Variants in CCDC148 observed in about 807,000 individuals in gnomAD.
CCDC148 encodes the protein coiled-coil domain-containing protein 148.
In CCDC148, 89 loss-of-function variants were observed where a neutral mutation model predicts 85.7. The ratio of observed to expected loss-of-function variants is 1.04; its 90% CI spans 0.87 to 1.24. The LOEUF (loss-of-function observed/expected upper bound fraction) is 1.24. CCDC148 is among the 50% of genes most tolerant of loss of function. The pLI is 0.00. For synonymous variants in CCDC148, 230 were observed against 213.9 expected, an observed-to-expected ratio of 1.08 and a Z score of -0.66; for missense variants, 692 against 671.7, an observed-to-expected ratio of 1.03 and a Z score of -0.33.
intron 9 of CCDC148, among the ~76,000 whole-genome samples, chr2:158,306,629 G>A (rs532469037): frequency 6.6e-5 from 10 of 150,602 alleles, no homozygotes; most frequent in African/African-American, 9.7e-5. Context: ...ATTGAACAAC[G>A]AGAACACTTG....
intron 7 of CCDC148, among the ~76,000 whole-genome samples, chr2:158,327,085 A>G (rs1046708374): frequency 6.6e-6 from 1 of 152,132 alleles, no homozygotes; most frequent in African/African-American, 2.4e-5. Context: ...TTTTTGCTCA[A>G]TCTTTCACTA....
At chr2:158,406,545 TAC>T in intron 1 of CCDC148, among the ~76,000 whole-genome samples, 1 of 151,350 alleles carries the variant, frequency 6.6e-6, no homozygotes, top group Non-Finnish European at 1.5e-5. Context: ...GTAGTACATA[TAC>T]ACTTTCGGTA....
At chr2:158,370,950 A>G (rs986212007) in intron 1 of CCDC148, among the ~76,000 whole-genome samples, 10 of 151,956 alleles carry the variant, frequency 6.6e-5, no homozygotes, top group Non-Finnish European at 5.9e-5. Flanking sequence ...CAAATATTTA[A>G]CACTGGCAAT....
intron 11 of CCDC148, among the ~76,000 whole-genome samples, chr2:158,189,483 C>T (rs750409892): frequency 3.3e-4 from 50 of 151,704 alleles, no homozygotes; most frequent in Non-Finnish European, 2.2e-4. Context: ...GAAGTTAACA[C>T]GTATACTATA....
intron 1 of CCDC148, among the ~76,000 whole-genome samples, chr2:158,377,919 C>G (rs76639636): frequency 0.054 from 8,284 of 152,122 alleles, 432 homozygotes; most frequent in African/African-American, 0.13. Flanking sequence ...CTCTCCTGGG[C>G]TGTCCCTATT....
intron 9 of CCDC148, among the ~76,000 whole-genome samples, chr2:158,252,125 C>T (rs1249459062): frequency 1.3e-5 from 2 of 151,746 alleles, no homozygotes; most frequent in African/African-American, 2.4e-5. Context: ...ATTTCTTACA[C>T]ATTTCATATA....
chr2:158,425,377 T>A (rs998147496), intron 1 of CCDC148: 1 of 439,014 alleles, frequency 2.3e-6, no homozygotes, highest in Admixed American at 2.5e-5. Context: ...TGAAGACTGG[T>A]CTTTTGTTGA....
intron 9 of CCDC148, among the ~76,000 whole-genome samples, chr2:158,262,118 C>G (rs1689255441): frequency 6.6e-6 from 1 of 151,964 alleles, no homozygotes; most frequent in African/African-American, 2.4e-5. Flanking sequence ...ACCTAAATGC[C>G]TACCAATGAC....
In CCDC148 at chr2:158,444,249, ATTTC is replaced by A. The variant is rs371124783; in HGVS notation, c.25+12162_25+12165del. On this transcript the variant is annotated intron_variant, in intron 1 of 13. Transcript: ENST00000283233. ...ATGGTGAAATGACTGAATCTTATTA[ATTTC>A]TTCTTCTCTATAAGGGAAATCAAAA... Among the ~76,000 whole-genome samples the A allele has an allele frequency of 1.3e-3, 197 of 152,280 alleles. 1 individual carries two copies. The highest frequency in any genetic ancestry group is 2.2e-3 in the Non-Finnish European group (150 of 68,030).
rs143422132 is a variant in CCDC148 at position 158,294,684 on chromosome 2, C to T, written c.1110+14749G>A. On this transcript the variant is annotated intron_variant, in intron 9 of 13. Transcript: ENST00000283233. The stretch of plus-strand genomic sequence containing the variant: ...ACTGAAAACACACAAATTAGCCAGG[C>T]GTGGTGGCTGGTGCCTGTAATCCCA... Among the ~76,000 whole-genome samples the T allele has an allele frequency of 2.6e-3, 400 of 152,040 alleles. 3 individuals carry two copies. Among genetic ancestry groups the T allele is most frequent in the African/African-American group, 9.2e-3 (382 of 41,452 alleles).
intron 1 of CCDC148, among the ~76,000 whole-genome samples, chr2:158,443,905 A>G (rs1471127124): frequency 2.6e-5 from 4 of 152,206 alleles, no homozygotes; most frequent in African/African-American, 9.6e-5. Flanking sequence ...AACACAATTT[A>G]TCAGCTTTTA....
chr2:158,448,677 C>G (rs1688262859), intron 1 of CCDC148, among the ~76,000 whole-genome samples: 1 of 151,914 alleles, frequency 6.6e-6, no homozygotes, highest in Non-Finnish European at 1.5e-5. Context: ...TTCTCAATTC[C>G]TATAAAAATG....
At chr2:158,338,570 A>C in intron 7 of CCDC148, 156 bp downstream of exon 7, 1 of 562,184 alleles carries the variant, frequency 1.8e-6, no homozygotes. Context: ...TGAAAAAATA[A>C]AACCCTCTCT....
At chr2:158,398,045 A>T (rs1429402843) in intron 1 of CCDC148, among the ~76,000 whole-genome samples, 1 of 152,086 alleles carries the variant, frequency 6.6e-6, no homozygotes, top group Non-Finnish European at 1.5e-5. Context: ...ATTACATAAT[A>T]GTAAATGGAA....
chr2:158,412,256 T>C (rs1269410882), intron 1 of CCDC148, among the ~76,000 whole-genome samples: 1 of 152,188 alleles, frequency 6.6e-6, no homozygotes, highest in Non-Finnish European at 1.5e-5. Context: ...TCTACGTGCC[T>C]ATCCCCAGTT....
At chr2:158,365,912 C>A in intron 1 of CCDC148, 1 of 779,934 alleles carries the variant, frequency 1.3e-6, no homozygotes, top group Non-Finnish European at 2.0e-6. Flanking sequence ...GTGAGCTTTC[C>A]ATTATTAAAA....
intron 1 of CCDC148, among the ~76,000 whole-genome samples, chr2:158,386,990 A>T (rs1685111421): frequency 1.3e-5 from 2 of 152,186 alleles, no homozygotes. Flanking sequence ...GTGTCTTTGC[A>T]GGGACAAAAA....
intron 9 of CCDC148, 117 bp from the exon 10 acceptor site, chr2:158,251,029 T>C (rs1431374428): frequency 2.2e-6 from 2 of 896,418 alleles, no homozygotes; most frequent in Non-Finnish European, 3.3e-6. Flanking sequence ...AAATAAATGT[T>C]TAAATTCTAT....
At chr2:158,397,246 G>A (rs1289584588) in intron 1 of CCDC148, among the ~76,000 whole-genome samples, 2 of 152,068 alleles carry the variant, frequency 1.3e-5, no homozygotes, top group African/African-American at 2.4e-5. Flanking sequence ...AGACAAGGCA[G>A]GCCAACATTC....
Sources: gnomAD v4.1 joint callset for allele counts (sites outside exome capture counted in the v4.1 genomes callset) on GRCh38, gnomAD v4.1.1 for gene constraint, MANE v1.5 for transcripts, NCBI Gene and HGNC (gene_info 2026-07-23, HGNC 2026-07-21) for gene names.